The following NAALADL2 variants were observed in gnomAD, a reference collection of about 807,000 sequenced individuals.
NAALADL2 encodes N-acetylated alpha-linked acidic dipeptidase like 2.
A neutral mutation model predicts 87.2 loss-of-function variants in NAALADL2; 76 were observed. The ratio of observed to expected loss-of-function variants is 0.87; its 90% CI spans 0.72 to 1.05. The LOEUF is 1.05. NAALADL2 is among the 50% of genes least tolerant of loss of function. The pLI is 0.00. For missense variants in NAALADL2, 1,089 were observed against 945.8 expected (o/e 1.15, Z -1.99); for synonymous variants, 354 against 331.0 (o/e 1.07, Z -0.75).
chr3:175,691,114 G>A (rs916836700), intron 11 of NAALADL2, among the ~76,000 whole-genome samples: 10 of 151,320 alleles, frequency 6.6e-5, no homozygotes, highest in Admixed American at 2.0e-4. Flanking sequence ...AAGAATTTCC[G>A]TAATAATTTT....
At chr3:175,450,850 CAAA>C (rs1721457085) in intron 6 of NAALADL2, among the ~76,000 whole-genome samples, 1 of 152,136 alleles carries the variant, frequency 6.6e-6, no homozygotes, top group Non-Finnish European at 1.5e-5. Flanking sequence ...ACTCAGTTTA[CAAA>C]CTTTAAGTAA....
intron 3 of NAALADL2, among the ~76,000 whole-genome samples, chr3:175,254,584 G>T (rs573340353): frequency 2.0e-5 from 3 of 152,230 alleles, no homozygotes; most frequent in Admixed American, 6.5e-5. Context: ...TATAAAAAAA[G>T]TTCACTTACA....
intron 11 of NAALADL2, among the ~76,000 whole-genome samples, chr3:175,732,756 G>A (rs746354670): frequency 1.8e-4 from 27 of 152,078 alleles, no homozygotes; most frequent in Non-Finnish European, 2.4e-4. Context: ...CCCCAACATT[G>A]GGGATAAGAC....
intron 2 of NAALADL2, among the ~76,000 whole-genome samples, chr3:175,144,274 A>ACC (rs1730442250): frequency 6.6e-6 from 1 of 151,968 alleles, no homozygotes; most frequent in Admixed American, 6.6e-5. Context: ...ATGGAGAAAT[A>ACC]CAAAAAGCCA....
intron 1 of NAALADL2, among the ~76,000 whole-genome samples, chr3:174,875,773 G>A (rs1728428239): frequency 6.6e-6 from 1 of 152,004 alleles, no homozygotes; most frequent in African/African-American, 2.4e-5. Flanking sequence ...GCATTTAAAA[G>A]CAGTCTTAAA....
chr3:174,988,094 G>A (rs947517108), intron 1 of NAALADL2, among the ~76,000 whole-genome samples: 2 of 152,008 alleles, frequency 1.3e-5, no homozygotes, highest in Non-Finnish European at 2.9e-5. Flanking sequence ...CCGAGGATCC[G>A]AAAAATAAAC....
intron 5 of NAALADL2, among the ~76,000 whole-genome samples, chr3:175,438,372 T>C (rs1159455434): frequency 2.0e-5 from 3 of 152,032 alleles, no homozygotes; most frequent in African/African-American, 7.2e-5. Flanking sequence ...AGAAAAATAA[T>C]TGTAAATTTA....
intron 10 of NAALADL2, among the ~76,000 whole-genome samples, chr3:175,590,778 G>A (rs975550225): frequency 2.0e-5 from 3 of 152,090 alleles, no homozygotes; most frequent in Non-Finnish European, 4.4e-5. Flanking sequence ...TTCCGAAAAG[G>A]GTGGGAGAGA....
At chr3:175,746,315 G>GT (rs397765614) in intron 12 of NAALADL2, among the ~76,000 whole-genome samples, 48,832 of 123,286 alleles carry the variant, frequency 0.4, 8,624 homozygotes, top group South Asian at 0.52. Flanking sequence ...CACTTGGTTT[G>GT]TTTTTTTTTT....
intron 6 of NAALADL2, among the ~76,000 whole-genome samples, chr3:175,458,547 T>C (rs1722662469): frequency 6.8e-6 from 1 of 147,772 alleles, no homozygotes. Context: ...AATATATAAT[T>C]AAAATATATT....
intron 9 of NAALADL2, among the ~76,000 whole-genome samples, chr3:175,517,248 CA>C (rs1230638779): frequency 6.6e-6 from 1 of 152,112 alleles, no homozygotes; most frequent in Non-Finnish European, 1.5e-5. Context: ...AAACATTTCA[CA>C]GTGGCTTTTA....
At chr3:174,507,323 A>T (rs1205620095) in intron 1 of NAALADL2, among the ~76,000 whole-genome samples, 1 of 152,108 alleles carries the variant, frequency 6.6e-6, no homozygotes, top group African/African-American at 2.4e-5. Context: ...TATGTTGGGG[A>T]TGTTGTTCAA....
intron 9 of NAALADL2, among the ~76,000 whole-genome samples, chr3:175,550,807 A>T (rs1267084794): frequency 6.6e-6 from 1 of 152,228 alleles, no homozygotes. Context: ...CTTTCTGTGT[A>T]TCAGGAATCT....
chr3:175,256,659 G>A, intron 4 of NAALADL2, 129 bp downstream of exon 4: 1 of 707,006 alleles, frequency 1.4e-6, no homozygotes, highest in Non-Finnish European at 2.1e-6. Flanking sequence ...GGGAGAGGAA[G>A]AAAGAGAGGC....
At chr3:175,642,215 A>G (rs1404193112) in intron 11 of NAALADL2, among the ~76,000 whole-genome samples, 1 of 152,182 alleles carries the variant, frequency 6.6e-6, no homozygotes, top group Admixed American at 6.5e-5. Flanking sequence ...TATACTATTT[A>G]GGTTTTCCCA....
intron 5 of NAALADL2, among the ~76,000 whole-genome samples, chr3:175,371,996 A>C (rs1766563732): frequency 6.6e-6 from 1 of 152,170 alleles, no homozygotes; most frequent in Admixed American, 6.5e-5. Context: ...TCCTTAGGGC[A>C]AATTCCTACC....
chr3:175,328,655 C>T (rs1761038097), intron 5 of NAALADL2, among the ~76,000 whole-genome samples: 1 of 152,134 alleles, frequency 6.6e-6, no homozygotes, highest in Non-Finnish European at 1.5e-5. Context: ...AATTCTCAAT[C>T]TTGAAGCACA....
intron 3 of NAALADL2, chr3:175,242,302 T>C (rs1347109263): frequency 6.6e-6 from 1 of 152,234 alleles, no homozygotes; most frequent in Admixed American, 6.5e-5. Context: ...TAAGTGATAA[T>C]GTAATTTTCT....
At chr3:175,235,061 AGTTTTT>A (rs1745599309) in intron 3 of NAALADL2, 1 of 46,042 alleles carries the variant, frequency 2.2e-5, no homozygotes, top group Non-Finnish European at 6.2e-5. Context: ...AAATACACTT[AGTTTTT>A]TTTTTTTTTC....
Sources: gnomAD v4.1 joint callset for allele counts (sites outside exome capture counted in the v4.1 genomes callset) on GRCh38, gnomAD v4.1.1 for gene constraint, MANE v1.5 for transcripts, NCBI Gene and HGNC (gene_info 2026-07-23, HGNC 2026-07-21) for gene names.